The following DGKB variants were observed in gnomAD, a reference collection of about 807,000 sequenced individuals.
DGKB encodes the protein diacylglycerol kinase beta.
DGKB carries 67 observed loss-of-function variants against 114.3 expected under a neutral mutation model. The ratio of observed to expected loss-of-function variants is 0.59; its 90% confidence interval spans 0.48 to 0.72. The LOEUF is 0.72. DGKB is among the 30% of genes least tolerant of loss of function. The pLI, the probability that DGKB is intolerant of heterozygous loss-of-function variation, is 0.00. For synonymous variants in DGKB, 398 were observed against 323.1 expected, an observed-to-expected ratio of 1.23 and a Z score of -2.49; for missense variants, 907 against 975.2, an observed-to-expected ratio of 0.93 and a Z score of 0.93.
intron 1 of DGKB, among the ~76,000 whole-genome samples, chr7:14,864,329 C>T (rs1449041795): frequency 6.6e-6 from 1 of 152,086 alleles, no homozygotes; most frequent in Non-Finnish European, 1.5e-5. Context: ...CATGCACATA[C>T]AAACACACCC....
At chr7:14,936,051 A>G (rs547081385) in intron 1 of DGKB, among the ~76,000 whole-genome samples, 107 of 152,288 alleles carry the variant, frequency 7.0e-4, no homozygotes, top group African/African-American at 2.5e-3. Flanking sequence ...GAGTCTCAGA[A>G]AGAAGAAACT....
At chr7:14,150,378 C>G (rs1488067169) in intron 25 of DGKB, among the ~76,000 whole-genome samples, 1 of 152,046 alleles carries the variant, frequency 6.6e-6, no homozygotes, top group Non-Finnish European at 1.5e-5. Context: ...ACTTGTCATT[C>G]ACTAATAGCA....
intron 17 of DGKB, among the ~76,000 whole-genome samples, chr7:14,584,868 C>A (rs1465345809): frequency 6.6e-6 from 1 of 151,954 alleles, no homozygotes; most frequent in East Asian, 1.9e-4. Flanking sequence ...CCATGTTGGC[C>A]AGGCTGGTCT....
At chr7:14,865,750 T>A (rs1380072328) in intron 1 of DGKB, among the ~76,000 whole-genome samples, 1 of 152,168 alleles carries the variant, frequency 6.6e-6, no homozygotes, top group African/African-American at 2.4e-5. Flanking sequence ...GGAGTCATCA[T>A]GTGCATAGGA....
intron 23 of DGKB, among the ~76,000 whole-genome samples, chr7:14,206,195 G>A (rs1187515840): frequency 3.3e-5 from 5 of 151,964 alleles, no homozygotes; most frequent in Admixed American, 6.6e-5. Flanking sequence ...ATAGGAAAAT[G>A]TGTAATTAAA....
intron 14 of DGKB, among the ~76,000 whole-genome samples, chr7:14,629,676 G>T (rs1397632814): frequency 6.6e-6 from 1 of 151,938 alleles, no homozygotes; most frequent in East Asian, 1.9e-4. Context: ...TGAAAATAAT[G>T]TTGTGGCAAT....
At chr7:14,796,464 A>G (rs1170590597) in intron 2 of DGKB, among the ~76,000 whole-genome samples, 1 of 152,174 alleles carries the variant, frequency 6.6e-6, no homozygotes, top group East Asian at 1.9e-4. Context: ...GAAATTTTAA[A>G]CAAGTGGGAT....
chr7:14,365,819 G>C (rs146089440), intron 21 of DGKB, among the ~76,000 whole-genome samples: 2 of 152,070 alleles, frequency 1.3e-5, no homozygotes, highest in African/African-American at 2.4e-5. Flanking sequence ...CTGGTTGCTA[G>C]AGCCAATTAG....
intron 1 of DGKB, among the ~76,000 whole-genome samples, chr7:14,879,595 A>G (rs1187874699): frequency 6.6e-6 from 1 of 152,210 alleles, no homozygotes; most frequent in Non-Finnish European, 1.5e-5. Context: ...AGCCCCAAGT[A>G]TCTCCCTGTG....
chr7:14,514,673 A>G (rs1788496253), intron 20 of DGKB, among the ~76,000 whole-genome samples: 1 of 152,152 alleles, frequency 6.6e-6, no homozygotes, highest in African/African-American at 2.4e-5. Context: ...TTTTATTTTT[A>G]TCTTGTATCA....
At chr7:14,914,151 G>A (rs573115019) in intron 1 of DGKB, among the ~76,000 whole-genome samples, 2 of 152,236 alleles carry the variant, frequency 1.3e-5, no homozygotes, top group East Asian at 3.9e-4. Flanking sequence ...TTGCTCTCAA[G>A]AGAAATACCT....
intron 15 of DGKB, among the ~76,000 whole-genome samples, chr7:14,620,642 A>T (rs1028325564): frequency 6.6e-6 from 1 of 151,816 alleles, no homozygotes; most frequent in African/African-American, 2.4e-5. Context: ...TAAATCCACA[A>T]TTTCATAAAT....
rs542322307 is a variant in DGKB at position 14,610,260 on chromosome 7, T to C, written c.1359-2752A>G. On this transcript the variant is annotated intron_variant, in intron 16 of 25. Coordinates refer to ENST00000402815, the MANE Select transcript of DGKB (RefSeq NM_001350709.2). ...GATGGAGGCCATTTCCCTAAGAGAATTAACACAGAAACAGAAAACCAAATA... is the reference window on the plus strand; with the variant it reads ...GATGGAGGCCATTTCCCTAAGAGAACTAACACAGAAACAGAAAACCAAATA... Among the ~76,000 whole-genome samples the C allele has an allele frequency of 2.2e-4, 33 of 152,070 alleles. No homozygotes were observed. The Middle Eastern group carries it at 0.01, about 47-fold the overall frequency.
chr7:14,336,747 G>A (rs903749604), intron 23 of DGKB, among the ~76,000 whole-genome samples: 2 of 152,118 alleles, frequency 1.3e-5, no homozygotes, highest in Non-Finnish European at 2.9e-5. Context: ...GAGGGTGAGT[G>A]AGCCCAGGTA....
chr7:14,239,128 C>G (rs371796350), intron 23 of DGKB, among the ~76,000 whole-genome samples: 7 of 152,088 alleles, frequency 4.6e-5, no homozygotes, highest in Non-Finnish European at 2.9e-5. Context: ...TATTATTCAT[C>G]TACAGGATAA....
intron 21 of DGKB, among the ~76,000 whole-genome samples, chr7:14,417,069 T>C (rs553751302): frequency 1.3e-5 from 2 of 152,210 alleles, no homozygotes; most frequent in East Asian, 3.9e-4. Flanking sequence ...ACTAGGACCA[T>C]AGGAACAGAT....
At chr7:14,644,963 A>G (rs1812631097) in intron 13 of DGKB, among the ~76,000 whole-genome samples, 1 of 152,186 alleles carries the variant, frequency 6.6e-6, no homozygotes, top group Non-Finnish European at 1.5e-5. Flanking sequence ...CTTCCAGCAA[A>G]GGACAGTTTA....
chr7:14,789,838 C>G (rs935871605), intron 2 of DGKB, among the ~76,000 whole-genome samples: 1 of 152,060 alleles, frequency 6.6e-6, no homozygotes. Flanking sequence ...ATAGTAGTGC[C>G]ATGTTTAGTT....
At chr7:14,403,310 C>A (rs1823428693) in intron 21 of DGKB, among the ~76,000 whole-genome samples, 1 of 151,814 alleles carries the variant, frequency 6.6e-6, no homozygotes, top group African/African-American at 2.4e-5. Context: ...CCAGTAGATA[C>A]CAGCCCCTCC....
Sources: allele counts gnomAD v4.1 joint callset (sites outside exome capture counted in the v4.1 genomes callset), GRCh38; gene constraint gnomAD v4.1.1; transcripts MANE v1.5; gene names NCBI Gene and HGNC (gene_info 2026-07-23, HGNC 2026-07-21).